The following AK5 variants were observed in gnomAD, a reference collection of about 807,000 sequenced individuals.
AK5 encodes adenylate kinase 5, also known as adenylate kinase isoenzyme 5.
Under a neutral mutation model 69.5 loss-of-function variants are expected in AK5, and 27 were observed. That is an observed-to-expected ratio of 0.39 (90% CI 0.29 to 0.54). The LOEUF (loss-of-function observed/expected upper bound fraction) is 0.54, where lower values mean the gene tolerates loss of function less well. Ranked by LOEUF, AK5 falls within the 20% of genes least tolerant of loss-of-function variation. The probability of loss-of-function intolerance (pLI) is 0.71; values close to 1 mark genes in which losing one functional copy is unlikely to be tolerated. For missense variants in AK5, 531 were observed against 700.4 expected, an observed-to-expected ratio of 0.76 and a Z score of 2.73; for synonymous variants, 260 against 244.4, an observed-to-expected ratio of 1.06 and a Z score of -0.60.
chr1:77,445,449 G>A (rs1250972575), intron 8 of AK5, among the ~76,000 whole-genome samples: 1 of 152,124 alleles, frequency 6.6e-6, no homozygotes, highest in Admixed American at 6.5e-5. Context: ...GTCTATCCAA[G>A]TCCTTTGCCC....
intron 6 of AK5, chr1:77,349,654 A>G (rs984868334): frequency 3.3e-5 from 5 of 152,256 alleles, no homozygotes; most frequent in African/African-American, 1.2e-4. Context: ...TTTTAAAAGT[A>G]ATTTTTGCTA....
chr1:77,500,317 G>A (rs549606963), intron 10 of AK5, among the ~76,000 whole-genome samples: 17 of 152,252 alleles, frequency 1.1e-4, no homozygotes, highest in South Asian at 2.1e-4. Flanking sequence ...CACGGTTTCC[G>A]TATTAGACTC....
intron 6 of AK5, among the ~76,000 whole-genome samples, chr1:77,395,438 G>A (rs980596851): frequency 1.4e-4 from 22 of 152,194 alleles, no homozygotes; most frequent in African/African-American, 5.3e-4. Flanking sequence ...GGCATCTGTT[G>A]CTTTGCAAAG....
chr1:77,525,828 C>G (rs567213530), intron 12 of AK5, among the ~76,000 whole-genome samples: 3 of 152,244 alleles, frequency 2.0e-5, no homozygotes, highest in African/African-American at 7.2e-5. Context: ...TATGCCTGTA[C>G]CACATTCTTT....
chr1:77,343,752 G>T (rs1661777583), intron 6 of AK5, among the ~76,000 whole-genome samples: 2 of 152,138 alleles, frequency 1.3e-5, no homozygotes, highest in Admixed American at 1.3e-4. Flanking sequence ...TATTGTAAGG[G>T]TAAATGACAT....
chr1:77,490,056 T>G (rs1383085364), intron 10 of AK5, among the ~76,000 whole-genome samples: 2 of 152,188 alleles, frequency 1.3e-5, no homozygotes, highest in East Asian at 3.9e-4. Flanking sequence ...TGGGTACTAC[T>G]TAATGACTAG....
intron 6 of AK5, among the ~76,000 whole-genome samples, chr1:77,380,217 G>T (rs1289713152): frequency 6.6e-6 from 1 of 152,188 alleles, no homozygotes. Flanking sequence ...GAAGGATAAT[G>T]GGGTGACAGG....
At chr1:77,539,208 G>A (rs551741962) in intron 13 of AK5, among the ~76,000 whole-genome samples, 238 of 152,332 alleles carry the variant, frequency 1.6e-3, no homozygotes, top group African/African-American at 5.5e-3. Context: ...GGTTCGGCCT[G>A]TTGGGCCCAG....
rs369783789 is a variant in AK5 at position 77,449,795 on chromosome 1, C to T, written c.1059+32080C>T. On this transcript the variant is annotated intron_variant, in intron 8 of 13. Transcript: ENST00000354567. Reference sequence around the variant, plus strand: ...TGACATGCCCTGGAGACATTTTCCCCATTGTCTTGGGGATTAACATTCGGC... The same window carrying T: ...TGACATGCCCTGGAGACATTTTCCCTATTGTCTTGGGGATTAACATTCGGC... Among the ~76,000 whole-genome samples, 35 of 152,252 alleles carry T rather than the reference C, an allele frequency of 2.3e-4. 1 individual carries two copies. The highest frequency in any genetic ancestry group is 8.4e-4 in the African/African-American group (35 of 41,554).
chr1:77,367,590 T>TAC (rs1646986832), intron 6 of AK5, among the ~76,000 whole-genome samples: 1 of 1,016 alleles, frequency 9.8e-4, no homozygotes, highest in Non-Finnish European at 4.5e-3. Context: ...ATATATATGT[T>TAC]ATATATGTAA....
Position 77,539,162 on chromosome 1 carries a change from GTTGT to G in AK5, c.1620+3131_1620+3134del, listed in dbSNP as rs1258367790. On this transcript the variant is annotated intron_variant, in intron 13 of 13. Transcript: ENST00000354567. ...CATCTGTTACAGTGTGTACATCCAA[GTTGT>G]TTGTTTCATTTAGCACGGATGACTC... Among the ~76,000 whole-genome samples the G allele has an allele frequency of 6.6e-5, 10 of 152,362 alleles. No homozygotes were observed. In the East Asian group the frequency reaches 1.7e-3, roughly 26 times the overall value.
chr1:77,481,246 A>G (rs1234704743), intron 8 of AK5, among the ~76,000 whole-genome samples: 3 of 152,244 alleles, frequency 2.0e-5, no homozygotes, highest in Non-Finnish European at 4.4e-5. Flanking sequence ...GGCCCTTCGC[A>G]TGACCTCTCT....
intron 12 of AK5, among the ~76,000 whole-genome samples, chr1:77,523,619 C>T (rs1435043868): frequency 6.6e-6 from 1 of 152,122 alleles, no homozygotes; most frequent in Non-Finnish European, 1.5e-5. Flanking sequence ...CCATCACCAC[C>T]ATCTTGAGAA....
chr1:77,482,992 TAAAAAAAAAAAAAAAAAAAAAAA>T (rs56718956), intron 8 of AK5, among the ~76,000 whole-genome samples: 8 of 43,918 alleles, frequency 1.8e-4, no homozygotes, highest in Admixed American at 3.4e-4. Context: ...TTTTGCACTT[TAAAAAAAAAAAAAAAAAAAAAAA>T]AAAAAAAAAA....
chr1:77,549,620 A>G (rs150958578), intron 13 of AK5, among the ~76,000 whole-genome samples: 2 of 152,246 alleles, frequency 1.3e-5, no homozygotes, highest in African/African-American at 4.8e-5. Flanking sequence ...GACACTGGTA[A>G]CTATCAATCT....
At chr1:77,379,281 G>A (rs995373703) in intron 6 of AK5, among the ~76,000 whole-genome samples, 2 of 152,152 alleles carry the variant, frequency 1.3e-5, no homozygotes, top group Non-Finnish European at 2.9e-5. Context: ...ACCCCTTCTG[G>A]AGACTTGCCT....
intron 6 of AK5, among the ~76,000 whole-genome samples, chr1:77,400,014 C>G (rs1434869209): frequency 6.6e-6 from 1 of 152,218 alleles, no homozygotes; most frequent in East Asian, 1.9e-4. Flanking sequence ...CAGGAAGGTT[C>G]TTCTGCCAAC....
chr1:77,324,317 G>A (rs199906684), intron 5 of AK5, among the ~76,000 whole-genome samples: 2,194 of 54,276 alleles, frequency 0.04, 65 homozygotes, highest in African/African-American at 0.12. Flanking sequence ...TTCACCATTT[G>A]CGTGTGTGTG....
intron 1 of AK5, chr1:77,283,695 G>T (rs1658191426): frequency 3.6e-6 from 3 of 836,868 alleles, no homozygotes; most frequent in Non-Finnish European, 4.3e-6. Context: ...TAATTAGGTG[G>T]TGTTGCATAA....
Sources: allele counts gnomAD v4.1 joint callset (sites outside exome capture counted in the v4.1 genomes callset), GRCh38; gene constraint gnomAD v4.1.1; transcripts MANE v1.5; gene names NCBI Gene and HGNC (gene_info 2026-07-23, HGNC 2026-07-21).